USPL1: variants seen among roughly 807,000 people sequenced by gnomAD.
USPL1 encodes SUMO-specific isopeptidase USPL1.
A neutral mutation model predicts 51.5 loss-of-function variants in USPL1; 27 were observed. That is an observed-to-expected ratio of 0.52 (90% CI 0.39 to 0.72). The LOEUF (loss-of-function observed/expected upper bound fraction) is 0.72. Among genes scored for constraint, USPL1 ranks in the 30% least tolerant of loss-of-function variants. The probability of loss-of-function intolerance (pLI) is 0.00; values close to 1 mark genes in which losing one functional copy is unlikely to be tolerated. For missense variants in USPL1, 1,226 were observed against 1,268.0 expected (o/e 0.97, Z 0.50); for synonymous variants, 451 against 459.6 (o/e 0.98, Z 0.24).
chr13:30,649,728 C>T (rs900919747), intron 7 of USPL1, among the ~76,000 whole-genome samples: 4 of 152,230 alleles, frequency 2.6e-5, no homozygotes, highest in Non-Finnish European at 4.4e-5. Flanking sequence ...TCTCTGCTAT[C>T]TTTGGGTAGC....
At chr13:30,633,361 C>T (rs1950833049) in intron 4 of USPL1, among the ~76,000 whole-genome samples, 1 of 152,012 alleles carries the variant, frequency 6.6e-6, no homozygotes, top group Admixed American at 6.6e-5. Flanking sequence ...TTTAGGCATC[C>T]ACTGGGGTCT....
At chr13:30,653,035 G>C in intron 7 of USPL1, 113 bp from the exon 8 acceptor site, 1 of 1,092,810 alleles carries the variant, frequency 9.2e-7, no homozygotes, top group Non-Finnish European at 1.3e-6. Context: ...AGAAAAATTA[G>C]TGCAGTTAGC....
chr13:30,650,524 C>A (rs1426235110), intron 7 of USPL1, among the ~76,000 whole-genome samples: 1 of 146,970 alleles, frequency 6.8e-6, no homozygotes, highest in African/African-American at 2.5e-5. Context: ...TTTCAGTGAG[C>A]AGAGATTGTG....
At chr13:30,650,990 AAAAC>A (rs1217826599) in intron 7 of USPL1, among the ~76,000 whole-genome samples, 279 of 151,378 alleles carry the variant, frequency 1.8e-3, no homozygotes, top group African/African-American at 6.4e-3. Flanking sequence ...CGCCATCTCA[AAAAC>A]AAACAAACCA....
At chr13:30,644,677 TTCA>T (rs1376544370) in intron 6 of USPL1, among the ~76,000 whole-genome samples, 6 of 152,128 alleles carry the variant, frequency 3.9e-5, no homozygotes, top group African/African-American at 1.4e-4. Context: ...GGGAAATAGT[TTCA>T]TCGTGTTAAA....
At chr13:30,618,110 CAG>C (rs1402904708) in intron 1 of USPL1, 54 bp downstream of exon 1, 1 of 152,266 alleles carries the variant, frequency 6.6e-6, no homozygotes, top group African/African-American at 2.4e-5. Context: ...GGAAAAGAGA[CAG>C]AGCTGGGATG....
chr13:30,652,292 T>G (rs1009947792), intron 7 of USPL1, among the ~76,000 whole-genome samples: 2 of 152,250 alleles, frequency 1.3e-5, no homozygotes, highest in African/African-American at 4.8e-5. Flanking sequence ...ATAAAGTGAT[T>G]GACAAGGATT....
At chr13:30,654,923 T>A (rs1951140450) in intron 8 of USPL1, among the ~76,000 whole-genome samples, 1 of 152,250 alleles carries the variant, frequency 6.6e-6, no homozygotes, top group Admixed American at 6.5e-5. Flanking sequence ...TTACTTTTTT[T>A]ATATCAGATC....
At chr13:30,634,919 C>T (rs755942840) in intron 4 of USPL1, among the ~76,000 whole-genome samples, 4 of 152,044 alleles carry the variant, frequency 2.6e-5, no homozygotes, top group Non-Finnish European at 4.4e-5. Flanking sequence ...CTTGATTTGC[C>T]GTTTCCACAT....
At chr13:30,630,725 T>C in intron 3 of USPL1, 110 bp from the exon 4 acceptor site, 2 of 1,191,164 alleles carry the variant, frequency 1.7e-6, no homozygotes, top group Non-Finnish European at 2.3e-6. Context: ...ATATAACCTG[T>C]CATCAAATCA....
At position 30,659,306 on chromosome 13, in the gene USPL1, GAC is replaced by G; in HGVS notation, c.3233_3234del (p.Thr1078IlefsTer8). On this transcript the variant is annotated frameshift_variant, in exon 9 of 9. Coordinates refer to ENST00000255304, the MANE Select transcript of USPL1 (RefSeq NM_005800.5). LOFTEE classifies it high-confidence loss of function. ...SSSALNALAN[D>X]TLDLPHFDEY... ...CTCAGCATTAAATGCTTTAGCAAAT[GAC>G]ACATTAGACCTACCTCATTTCGATG... The G allele has an allele frequency of 6.2e-7, 1 of 1,613,380 alleles. No homozygotes were observed. Among genetic ancestry groups the G allele is most frequent in the South Asian group, 1.1e-5 (1 of 91,044 alleles).
At chr13:30,645,275 T>C (rs1951002708) in intron 6 of USPL1, among the ~76,000 whole-genome samples, 2 of 152,228 alleles carry the variant, frequency 1.3e-5, no homozygotes, top group South Asian at 4.1e-4. Context: ...GTCTTCTGTG[T>C]GTTAGGAACT....
At chr13:30,646,817 T>C in intron 6 of USPL1, 115 bp from the exon 7 acceptor site, 1 of 1,157,296 alleles carries the variant, frequency 8.6e-7, no homozygotes, top group Non-Finnish European at 1.2e-6. Flanking sequence ...TAACATGATT[T>C]GGGGAAATAA....
Position 30,648,460 on chromosome 13 carries a change from C to T in USPL1, c.1238+1403C>T, listed in dbSNP as rs376086524. Among the ~76,000 whole-genome samples the T allele has an allele frequency of 2.6e-4, 39 of 152,270 alleles. 1 individual carries two copies. The East Asian group carries it at 5.2e-3, about 20-fold the overall frequency. ...TTATGTACACACTTCCAGTCACTATCGTAGTTTTTAGCCCAAGGCCTCATC... is the reference window on the plus strand; with the variant it reads ...TTATGTACACACTTCCAGTCACTATTGTAGTTTTTAGCCCAAGGCCTCATC... On this transcript the variant is annotated intron_variant, in intron 7 of 8. Transcript: ENST00000255304.
intron 8 of USPL1, among the ~76,000 whole-genome samples, chr13:30,654,524 C>T (rs1275071686): frequency 6.6e-6 from 1 of 152,028 alleles, no homozygotes; most frequent in African/African-American, 2.4e-5. Flanking sequence ...CATGCTATGG[C>T]AATACTGTTT....
intron 1 of USPL1, among the ~76,000 whole-genome samples, chr13:30,619,269 C>G (rs936804169): frequency 6.6e-6 from 1 of 152,000 alleles, no homozygotes; most frequent in Non-Finnish European, 1.5e-5. Flanking sequence ...TTTTTTATGT[C>G]CCTCATATGG....
intron 4 of USPL1, among the ~76,000 whole-genome samples, chr13:30,634,471 T>C (rs1950848627): frequency 6.6e-6 from 1 of 152,238 alleles, no homozygotes; most frequent in Non-Finnish European, 1.5e-5. Context: ...TCGTATTGCC[T>C]AATTTAGTTT....
chr13:30,652,735 G>A (rs1374781197), intron 7 of USPL1, among the ~76,000 whole-genome samples: 1 of 152,116 alleles, frequency 6.6e-6, no homozygotes, highest in African/African-American at 2.4e-5. Flanking sequence ...TCTTTCACAT[G>A]TTACCTACCC....
chr13:30,636,387 G>A (rs1950876369), intron 4 of USPL1, among the ~76,000 whole-genome samples: 1 of 151,756 alleles, frequency 6.6e-6, no homozygotes. Flanking sequence ...AAAAATTCTG[G>A]TTAATGCTTA....
Sources: allele counts gnomAD v4.1 joint callset (sites outside exome capture counted in the v4.1 genomes callset), GRCh38; gene constraint gnomAD v4.1.1; transcripts MANE v1.5; gene names NCBI Gene and HGNC (gene_info 2026-07-23, HGNC 2026-07-21).